PTPN4: variants seen among roughly 807,000 people sequenced by gnomAD.
PTPN4 encodes the protein protein tyrosine phosphatase non-receptor type 4, also known as tyrosine-protein phosphatase non-receptor type 4.
PTPN4 carries 49 observed loss-of-function variants against 135.5 expected under a neutral mutation model. The ratio of observed to expected loss-of-function variants is 0.36; its 90% CI spans 0.29 to 0.46. PTPN4 has a LOEUF of 0.46. Among genes scored for constraint, PTPN4 ranks in the 20% least tolerant of loss-of-function variants. The probability of loss-of-function intolerance (pLI) is 1.00; values close to 1 mark genes in which losing one functional copy is unlikely to be tolerated. For missense variants in PTPN4, 860 were observed against 1,101.0 expected (o/e 0.78, Z 3.10); for synonymous variants, 333 against 369.9 (o/e 0.90, Z 1.14).
intron 9 of PTPN4, among the ~76,000 whole-genome samples, chr2:119,891,720 T>C (rs551320113): frequency 1.1e-4 from 16 of 152,320 alleles, no homozygotes; most frequent in African/African-American, 3.8e-4. Flanking sequence ...CAGAATTCTC[T>C]TGGGTCTCAC....
At chr2:119,896,217 TA>T (rs201293940) in intron 9 of PTPN4, among the ~76,000 whole-genome samples, 6 of 152,124 alleles carry the variant, frequency 3.9e-5, no homozygotes, top group East Asian at 1.9e-4. Context: ...TATTTTTTTT[TA>T]AATAATTTTT....
chr2:119,954,650 C>T (rs188276873), intron 19 of PTPN4, among the ~76,000 whole-genome samples: 22 of 152,294 alleles, frequency 1.4e-4, no homozygotes, highest in Admixed American at 1.2e-3. Context: ...GGGTCTGAAT[C>T]TCCTCACATT....
At chr2:119,788,669 T>C (rs980796250) in intron 1 of PTPN4, among the ~76,000 whole-genome samples, 3 of 152,208 alleles carry the variant, frequency 2.0e-5, no homozygotes, top group Non-Finnish European at 4.4e-5. Context: ...AATGGAATTA[T>C]ATATAATATT....
At chr2:119,804,473 C>G (rs1691431843) in intron 1 of PTPN4, among the ~76,000 whole-genome samples, 1 of 152,126 alleles carries the variant, frequency 6.6e-6, no homozygotes, top group Non-Finnish European at 1.5e-5. Flanking sequence ...TGTTCCCCGC[C>G]CTGTGTCCAA....
rs150776761 is a variant in PTPN4, at chr2:119,767,928, A to T, written c.-18+7544A>T. ...TTGTAATTGGGAATTCTTATGTGAG[A>T]AGATATCTGGGAGTGTGTCAATAGA... is the stretch of plus-strand genomic sequence containing the variant. On this transcript the variant is annotated intron_variant, in intron 1 of 26. Coordinates refer to ENST00000263708, the MANE Select transcript of PTPN4 (RefSeq NM_002830.4). Among the ~76,000 whole-genome samples, 5 of 152,266 alleles carry T rather than the reference A, an allele frequency of 3.3e-5. No homozygotes were observed. In the East Asian group the frequency reaches 9.6e-4, roughly 29 times the overall value.
At chr2:119,902,810 A>G (rs899125248) in intron 10 of PTPN4, among the ~76,000 whole-genome samples, 1 of 152,108 alleles carries the variant, frequency 6.6e-6, no homozygotes, top group Non-Finnish European at 1.5e-5. Flanking sequence ...GAGGCCCTTG[A>G]CCCTCATGGG....
At chr2:119,949,691 A>T (rs1042136552) in intron 18 of PTPN4, among the ~76,000 whole-genome samples, 8 of 152,108 alleles carry the variant, frequency 5.3e-5, no homozygotes, top group African/African-American at 7.2e-5. Flanking sequence ...AAAAATTTTT[A>T]AATTCACCAG....
chr2:119,966,261 A>G (rs1249085427), intron 25 of PTPN4, among the ~76,000 whole-genome samples: 1 of 151,648 alleles, frequency 6.6e-6, no homozygotes, highest in Non-Finnish European at 1.5e-5. Context: ...AAAAGGTCCC[A>G]CCTTTTCTTT....
chr2:119,844,321 A>T (rs1177529951), intron 2 of PTPN4, among the ~76,000 whole-genome samples: 1 of 108,092 alleles, frequency 9.3e-6, no homozygotes, highest in Non-Finnish European at 1.9e-5. Flanking sequence ...GGCTGGCCGG[A>T]CGGGGCGGCT....
At chr2:119,973,173 C>T (rs181155534) in intron 26 of PTPN4, among the ~76,000 whole-genome samples, 1 of 152,072 alleles carries the variant, frequency 6.6e-6, no homozygotes, top group Non-Finnish European at 1.5e-5. Context: ...ATTTTCTCCT[C>T]TCCTGAGCCC....
chr2:119,865,162 T>C (rs903882486), intron 3 of PTPN4, among the ~76,000 whole-genome samples: 1 of 152,110 alleles, frequency 6.6e-6, no homozygotes, highest in African/African-American at 2.4e-5. Flanking sequence ...ACAAATCTTA[T>C]AAACAGTGTC....
At position 119,979,829 on chromosome 2, in the gene PTPN4, A is replaced by G. The variant is rs1036452667; in HGVS notation, c.*2759A>G. 2.0e-5 allele frequency: 3 copies of G among 152,072 alleles called. No homozygotes were observed. The highest frequency in any genetic ancestry group is 2.9e-5 in the Non-Finnish European group (2 of 67,952). 9.4% of individuals were successfully genotyped at this position (152,072 alleles called of 1,614,324 possible). A position where few individuals can be genotyped will look rare whatever the true frequency, so the allele number is the denominator to read the frequency against. ...CTTTTATTCTGACAAGTGGAAATCAATAGTGGTTAATCAAGTGGATTTTGT... is the reference window on the plus strand; with the variant it reads ...CTTTTATTCTGACAAGTGGAAATCAGTAGTGGTTAATCAAGTGGATTTTGT... On this transcript the variant is annotated 3_prime_UTR_variant, in exon 27 of 27. Coordinates refer to ENST00000263708, the MANE Select transcript of PTPN4 (RefSeq NM_002830.4).
At chr2:119,896,924 G>A (rs577443794) in intron 9 of PTPN4, among the ~76,000 whole-genome samples, 1 of 151,854 alleles carries the variant, frequency 6.6e-6, no homozygotes, top group Admixed American at 6.6e-5. Context: ...CTTTTGGCTC[G>A]TAAGTTTTGT....
At chr2:119,769,082 A>T (rs1690689315) in intron 1 of PTPN4, among the ~76,000 whole-genome samples, 3 of 152,296 alleles carry the variant, frequency 2.0e-5, no homozygotes, top group South Asian at 4.1e-4. Context: ...TATGAAGTAT[A>T]TATAAAGTTA....
At chr2:119,853,107 G>A (rs1271684259) in intron 2 of PTPN4, among the ~76,000 whole-genome samples, 2 of 152,170 alleles carry the variant, frequency 1.3e-5, no homozygotes, top group Non-Finnish European at 2.9e-5. Context: ...TTGTCGAGTA[G>A]AGTGCCCTAG....
chr2:119,926,795 A>G (rs1678831272), intron 13 of PTPN4, 129 bp downstream of exon 13: 1 of 669,680 alleles, frequency 1.5e-6, no homozygotes, highest in Middle Eastern at 4.2e-4. Flanking sequence ...GAATTATCAC[A>G]ATTCTTTAAC....
intron 1 of PTPN4, among the ~76,000 whole-genome samples, chr2:119,771,854 A>T (rs756408046): frequency 1.3e-5 from 2 of 152,168 alleles, no homozygotes; most frequent in Non-Finnish European, 2.9e-5. Flanking sequence ...CTCTTGTAGT[A>T]GTCTTTTTAA....
chr2:119,960,734 GAT>G, intron 22 of PTPN4, 71 bp from the exon 23 acceptor site: 1 of 1,466,826 alleles, frequency 6.8e-7, no homozygotes, highest in East Asian at 2.3e-5. Flanking sequence ...ACAGTTAGTG[GAT>G]GATTTTCCTA....
At chr2:119,915,327 C>A in intron 11 of PTPN4, 85 bp downstream of exon 11, 1 of 1,135,964 alleles carries the variant, frequency 8.8e-7, no homozygotes, top group Non-Finnish European at 1.2e-6. Flanking sequence ...ATTATTAGTA[C>A]AAGTGAAAGT....
Sources: allele counts gnomAD v4.1 joint callset (sites outside exome capture counted in the v4.1 genomes callset), GRCh38; gene constraint gnomAD v4.1.1; transcripts MANE v1.5; gene names NCBI Gene and HGNC (gene_info 2026-07-23, HGNC 2026-07-21).